MAP3K20: variants seen among roughly 807,000 people sequenced by gnomAD.
MAP3K20 encodes HCCS-4.
Under a neutral mutation model 85.7 loss-of-function variants are expected in MAP3K20, and 40 were observed. The ratio of observed to expected loss-of-function variants is 0.47; its 90% CI spans 0.36 to 0.61. MAP3K20 has a LOEUF of 0.61. Ranked by LOEUF, MAP3K20 falls within the 20% of genes least tolerant of loss-of-function variation. The pLI is 0.00. For synonymous variants in MAP3K20, 325 were observed against 327.7 expected, an observed-to-expected ratio of 0.99 and a Z score of 0.09; for missense variants, 817 against 961.7, an observed-to-expected ratio of 0.85 and a Z score of 1.99.
intron 14 of MAP3K20, among the ~76,000 whole-genome samples, 190 bp downstream of exon 14, chr2:173,232,649 G>A (rs898843785): frequency 6.6e-6 from 1 of 152,150 alleles, no homozygotes; most frequent in Non-Finnish European, 1.5e-5. Context: ...GATTACAGAA[G>A]CGTGCCACCA....
chr2:173,107,894 A>G (rs1687829210), intron 2 of MAP3K20, among the ~76,000 whole-genome samples: 1 of 152,148 alleles, frequency 6.6e-6, no homozygotes, highest in Non-Finnish European at 1.5e-5. Flanking sequence ...AGACAGTCGG[A>G]ACATATTCGA....
chr2:173,079,983 T>C (rs1686970315), intron 1 of MAP3K20, among the ~76,000 whole-genome samples: 1 of 152,156 alleles, frequency 6.6e-6, no homozygotes, highest in South Asian at 2.1e-4. Flanking sequence ...ATTATCCTTA[T>C]CAAGCATTGT....
At chr2:173,238,871 A>T (rs1684715761) in intron 15 of MAP3K20, among the ~76,000 whole-genome samples, 1 of 152,244 alleles carries the variant, frequency 6.6e-6, no homozygotes, top group Admixed American at 6.5e-5. Flanking sequence ...TTAAAGGAAT[A>T]TGGCATACTT....
chr2:173,256,554 G>GAT (rs1246890909), intron 16 of MAP3K20, among the ~76,000 whole-genome samples: 3 of 148,680 alleles, frequency 2.0e-5, no homozygotes, highest in East Asian at 2.0e-4. Flanking sequence ...GACAGATAGA[G>GAT]AGAATGTGCA....
intron 2 of MAP3K20, among the ~76,000 whole-genome samples, chr2:173,108,738 C>A (rs1395745848): frequency 6.6e-6 from 1 of 151,718 alleles, no homozygotes; most frequent in Non-Finnish European, 1.5e-5. Context: ...ATGCCTTCGA[C>A]CTATCATCCT....
intron 2 of MAP3K20, among the ~76,000 whole-genome samples, chr2:173,106,276 A>G (rs1687781040): frequency 6.6e-6 from 1 of 152,232 alleles, no homozygotes; most frequent in Non-Finnish European, 1.5e-5. Flanking sequence ...AACTTGTACT[A>G]CAAACTTATT....
At chr2:173,162,747 T>C (rs1689700845) in intron 2 of MAP3K20, among the ~76,000 whole-genome samples, 1 of 151,240 alleles carries the variant, frequency 6.6e-6, no homozygotes, top group African/African-American at 2.4e-5. Flanking sequence ...GGAGTAGTTA[T>C]ATGCTTAAAT....
In MAP3K20 at chr2:173,225,608, A is replaced by AC. The variant is rs1553588788; in HGVS notation, c.988-4080dup. On this transcript the variant is annotated intron_variant, in intron 11 of 19. Transcript: ENST00000375213. ...GACTTCATCTCAAAAAAAAAAAAAA[A>AC]CAAAAAAAAACAACCCGGTAGCATT... 1,149 of 970,578 alleles carry AC rather than the reference A, an allele frequency of 1.2e-3. 1 individual carries two copies. Among genetic ancestry groups the AC allele is most frequent in the Non-Finnish European group, 1.2e-3 (1,024 of 820,550 alleles). 60.1% of individuals were successfully genotyped at this position (970,578 alleles called of 1,614,324 possible). A position where few individuals can be genotyped will look rare whatever the true frequency, so the allele number is the denominator to read the frequency against.
chr2:173,215,956 G>A (rs1363401177), intron 10 of MAP3K20: 1 of 152,228 alleles, frequency 6.6e-6, no homozygotes, highest in African/African-American at 2.4e-5. Flanking sequence ...GATTGCCTCA[G>A]TGGCACCTGG....
At chr2:173,202,507 C>G (rs1691103244) in intron 8 of MAP3K20, among the ~76,000 whole-genome samples, 1 of 152,182 alleles carries the variant, frequency 6.6e-6, no homozygotes. Context: ...CCATCACACC[C>G]AATGCTCATT....
At position 173,228,096 on chromosome 2, in the gene MAP3K20, G is replaced by A. The variant is rs372434821; in HGVS notation, c.988-1593G>A. Reference sequence around the variant, plus strand: ...CGAGGAGGCAAGGGCAACCCTGGAGGGAAGGGAAGCACATGCAGGTAGCAG... The same window carrying A: ...CGAGGAGGCAAGGGCAACCCTGGAGAGAAGGGAAGCACATGCAGGTAGCAG... On this transcript the variant is annotated intron_variant, in intron 11 of 19. Coordinates refer to ENST00000375213, the MANE Select transcript of MAP3K20 (RefSeq NM_016653.3). Among the ~76,000 whole-genome samples the A allele has an allele frequency of 4.3e-4, 65 of 152,276 alleles. No homozygotes were observed. In the South Asian group the frequency reaches 0.013, roughly 30 times the overall value.
intron 11 of MAP3K20, chr2:173,225,087 T>C: frequency 1.0e-6 from 1 of 984,684 alleles, no homozygotes. Context: ...ACCTTTCATC[T>C]TTTTTTCTTA....
rs1683843615 is a variant in MAP3K20, at chr2:173,210,291, G to A, written c.851+456G>A. Reference sequence around the variant, plus strand: ...TCACTTGAACCTGGAGGCAGAGGTTGCAGTGAGCCGAGATCATGCCATTGC... The same window carrying A: ...TCACTTGAACCTGGAGGCAGAGGTTACAGTGAGCCGAGATCATGCCATTGC... On this transcript the variant is annotated intron_variant, in intron 10 of 19. Coordinates refer to ENST00000375213, the MANE Select transcript of MAP3K20 (RefSeq NM_016653.3). 4 of 162,032 alleles carry A rather than the reference G, an allele frequency of 2.5e-5. No individual in the cohort carries two copies. The South Asian group carries it at 6.7e-4, about 27-fold the overall frequency. The allele number at this position is 162,032 out of a possible 1,614,324, so 10.0% of individuals were successfully genotyped here.
intron 10 of MAP3K20, chr2:173,210,925 A>G (rs1683872577): frequency 6.6e-6 from 1 of 152,200 alleles, no homozygotes; most frequent in South Asian, 2.1e-4. Context: ...TATCTTATCT[A>G]GGGCTAGTGA....
At position 173,209,747 on chromosome 2, in the gene MAP3K20, C is replaced by G. The variant is rs760001967; in HGVS notation, c.763C>G (p.Gln255Glu). 3.7e-6 allele frequency: 6 copies of G among 1,607,402 alleles called. No homozygotes were observed. ...TCTTCAGAAACGGCCATCATTCAAG[C>G]AAATCATTTCAATCCTGGAGTCCAT... ...ADAKKRPSFK[Q>E]IISILESMSN... The change falls in exon 10 of 20, where the codon CAA becomes GAA. Residue 255 changes from glutamine to glutamate, a missense_variant. Around this residue, in one of 4 missense-constraint regions of MAP3K20, gnomAD observed 158 missense variants for 162.0 expected, o/e 0.98. Transcript: ENST00000375213.
chr2:173,164,312 G>T (rs1468437378), intron 2 of MAP3K20, among the ~76,000 whole-genome samples: 2 of 152,180 alleles, frequency 1.3e-5, no homozygotes, highest in Non-Finnish European at 2.9e-5. Context: ...GATTAGAGAT[G>T]TTGGGCATTT....
intron 2 of MAP3K20, among the ~76,000 whole-genome samples, chr2:173,159,376 C>T: frequency 1.5e-5 from 1 of 68,850 alleles, no homozygotes; most frequent in South Asian, 5.1e-4. Flanking sequence ...CCTTCCTTTC[C>T]TTTTCTTTTC....
intron 1 of MAP3K20, among the ~76,000 whole-genome samples, chr2:173,077,076 A>G (rs1686884551): frequency 1.3e-5 from 2 of 152,220 alleles, no homozygotes; most frequent in African/African-American, 4.8e-5. Context: ...TTAGGGGCCC[A>G]TTCCAAGTAT....
intron 16 of MAP3K20, among the ~76,000 whole-genome samples, chr2:173,249,473 T>G (rs1314571410): frequency 6.6e-6 from 1 of 152,234 alleles, no homozygotes; most frequent in Non-Finnish European, 1.5e-5. Flanking sequence ...CAATGCCTAC[T>G]AACTAGGTTA....
Sources: gnomAD v4.1 joint callset for allele counts (sites outside exome capture counted in the v4.1 genomes callset) on GRCh38, gnomAD v4.1.1 for gene constraint, gnomAD v4.1.1 regional missense constraint, MANE v1.5 for transcripts, NCBI Gene and HGNC (gene_info 2026-07-23, HGNC 2026-07-21) for gene names.